The following CDH13 variants were observed in gnomAD, a reference collection of about 807,000 sequenced individuals.
CDH13 encodes cadherin 13.
In CDH13, 24 loss-of-function variants were observed where a neutral mutation model predicts 63.8. The observed-to-expected ratio is 0.38, with a 90% CI of 0.27 to 0.53. The LOEUF is 0.53. Ranked by LOEUF, CDH13 falls within the 20% of genes least tolerant of loss-of-function variation. The pLI is 0.85. For missense variants in CDH13, 1,049 were observed against 903.1 expected (o/e 1.16, Z -2.07); for synonymous variants, 503 against 355.3 (o/e 1.42, Z -4.67).
At chr16:82,630,508 G>A (rs555551709) in intron 1 of CDH13, among the ~76,000 whole-genome samples, 2 of 152,138 alleles carry the variant, frequency 1.3e-5, no homozygotes, top group Non-Finnish European at 2.9e-5. Context: ...TGGGTTTTCC[G>A]TTAAGTAAAA....
chr16:82,760,230 C>T (rs1439001532), intron 1 of CDH13, among the ~76,000 whole-genome samples: 4 of 152,132 alleles, frequency 2.6e-5, no homozygotes, highest in Non-Finnish European at 5.9e-5. Context: ...CGGGTACTTA[C>T]TGAGGGGGTA....
chr16:83,029,986 T>C lies in CDH13; in HGVS notation c.158-2024T>C, dbSNP rs529045741. Among the ~76,000 whole-genome samples, 3 of 152,300 alleles carry C rather than the reference T, an allele frequency of 2.0e-5. 1 individual carries two copies. Among genetic ancestry groups the C allele is most frequent in the African/African-American group, 7.2e-5 (3 of 41,560 alleles). On this transcript the variant is annotated intron_variant, in intron 2 of 13. Transcript: ENST00000567109. Reference sequence around the variant, plus strand: ...AGGAGGAGGCAGACAGGCAAATGCATGCACAGATAATGAGTTGTGATACCC... The same window carrying C: ...AGGAGGAGGCAGACAGGCAAATGCACGCACAGATAATGAGTTGTGATACCC...
intron 10 of CDH13, among the ~76,000 whole-genome samples, chr16:83,723,167 T>A (rs1179683250): frequency 2.0e-5 from 3 of 152,264 alleles, no homozygotes; most frequent in Non-Finnish European, 4.4e-5. Context: ...AGAAGCACGA[T>A]GACTTTCACT....
intron 3 of CDH13, among the ~76,000 whole-genome samples, chr16:83,103,849 T>C (rs565949009): frequency 2.0e-5 from 3 of 152,302 alleles, no homozygotes; most frequent in South Asian, 2.1e-4. Context: ...CTAGAACACA[T>C]TGATGTTTAA....
At chr16:82,997,919 G>C (rs1912424015) in intron 2 of CDH13, among the ~76,000 whole-genome samples, 1 of 152,140 alleles carries the variant, frequency 6.6e-6, no homozygotes, top group East Asian at 1.9e-4. Context: ...AGAACTCTAA[G>C]AATGTGCATT....
intron 8 of CDH13, among the ~76,000 whole-genome samples, chr16:83,630,107 G>A (rs890454526): frequency 5.3e-5 from 8 of 152,148 alleles, no homozygotes; most frequent in Non-Finnish European, 1.2e-4. Context: ...AAACCCACGT[G>A]TTGATCTCAG....
chr16:83,595,711 C>T (rs2150742247), intron 7 of CDH13, among the ~76,000 whole-genome samples: 1 of 152,330 alleles, frequency 6.6e-6, no homozygotes, highest in Non-Finnish European at 1.5e-5. Context: ...GTTCCACTGA[C>T]CGCAATCAGC....
intron 2 of CDH13, among the ~76,000 whole-genome samples, chr16:83,006,253 A>G (rs1913481182): frequency 6.6e-6 from 1 of 152,220 alleles, no homozygotes. Context: ...GCTTAGTGCC[A>G]TCTTGAGTGT....
At chr16:83,353,376 TG>T (rs1462559949) in intron 6 of CDH13, among the ~76,000 whole-genome samples, 20 of 151,786 alleles carry the variant, frequency 1.3e-4, no homozygotes, top group African/African-American at 4.9e-4. Flanking sequence ...CCCACCCTGA[TG>T]GGCACCATTG....
chr16:83,016,553 T>A (rs763867027), intron 2 of CDH13, among the ~76,000 whole-genome samples: 3 of 152,178 alleles, frequency 2.0e-5, no homozygotes, highest in African/African-American at 4.8e-5. Context: ...AAGCTGGCCT[T>A]CTGCAGTCTG....
At chr16:83,118,201 G>A (rs1051932337) in intron 3 of CDH13, among the ~76,000 whole-genome samples, 1 of 152,144 alleles carries the variant, frequency 6.6e-6, no homozygotes, top group Non-Finnish European at 1.5e-5. Flanking sequence ...GTTGGTGGCG[G>A]CCCCAGAACC....
rs755586999 is a variant in CDH13, at chr16:83,678,117, T to C, written c.1285-91T>C. On this transcript the variant is annotated intron_variant, in intron 9 of 13. Transcript: ENST00000567109. Reference sequence around the variant, plus strand: ...CCCAGCTCCATCCCTGAAGGCCCACTGTTGCTCGTGGAATTTCAGAGGAAG... The same window carrying C: ...CCCAGCTCCATCCCTGAAGGCCCACCGTTGCTCGTGGAATTTCAGAGGAAG... 132 of 1,393,458 alleles carry C rather than the reference T, an allele frequency of 9.5e-5. 5 individuals are homozygous for C. In the South Asian group the frequency reaches 1.6e-3, roughly 17 times the overall value. 86.3% of individuals were successfully genotyped at this position (1,393,458 alleles called of 1,614,324 possible). A position where few individuals can be genotyped will look rare whatever the true frequency, so the allele number is the denominator to read the frequency against.
chr16:83,004,930 A>G (rs1374364088), intron 2 of CDH13, among the ~76,000 whole-genome samples: 1 of 152,076 alleles, frequency 6.6e-6, no homozygotes. Flanking sequence ...CCTCATTCCT[A>G]CCTCCTGCAC....
chr16:82,798,787 G>A (rs1257245183), intron 1 of CDH13, among the ~76,000 whole-genome samples: 1 of 152,114 alleles, frequency 6.6e-6, no homozygotes, highest in East Asian at 1.9e-4. Flanking sequence ...CCGTTAAGAC[G>A]ATTGCAAGAT....
rs79182352 is a variant in CDH13, at chr16:83,255,516, G to T, written c.636+38019G>T. Among the ~76,000 whole-genome samples, 985 of 152,300 alleles carry T rather than the reference G, an allele frequency of 6.5e-3. 14 individuals carry two copies. Among genetic ancestry groups the T allele is most frequent in the African/African-American group, 0.022 (935 of 41,556 alleles). On this transcript the variant is annotated intron_variant, in intron 5 of 13. Transcript: ENST00000567109. ...CGTCCCTACCATGATGTCCAGTAAA[G>T]AATGGGCTACGTGTCCCGCAGACTT...
Position 83,464,494 on chromosome 16 carries a change from G to A in CDH13, c.782-21983G>A, listed in dbSNP as rs1368428976. On this transcript the variant is annotated intron_variant, in intron 6 of 13. Transcript: ENST00000567109. Reference sequence around the variant, plus strand: ...GCCATTGCACTCCAGCCTGGGCAACGAGAGTGAAACTCAGTCTCAAATAAA... The same window carrying A: ...GCCATTGCACTCCAGCCTGGGCAACAAGAGTGAAACTCAGTCTCAAATAAA... 5.3e-5 allele frequency among the ~76,000 whole-genome samples: 8 copies of A among 152,142 alleles called. No individual in the cohort carries two copies. In the East Asian group the frequency reaches 5.8e-4, roughly 11 times the overall value.
At chr16:83,061,871 T>C (rs2031583319) in intron 3 of CDH13, among the ~76,000 whole-genome samples, 1 of 152,218 alleles carries the variant, frequency 6.6e-6, no homozygotes, top group Non-Finnish European at 1.5e-5. Context: ...CCCATGCTAA[T>C]GTCAGCCCTG....
chr16:83,168,472 C>G (rs2037781314), intron 4 of CDH13, among the ~76,000 whole-genome samples: 2 of 151,950 alleles, frequency 1.3e-5, no homozygotes, highest in South Asian at 2.1e-4. Flanking sequence ...CTAATAGTAG[C>G]TATTTCATGA....
At chr16:83,539,133 C>T (rs895506488) in intron 7 of CDH13, among the ~76,000 whole-genome samples, 1 of 152,070 alleles carries the variant, frequency 6.6e-6, no homozygotes, top group Non-Finnish European at 1.5e-5. Context: ...TGGTCCCCAA[C>T]CTTTCTTGGC....
Sources: allele counts gnomAD v4.1 joint callset (sites outside exome capture counted in the v4.1 genomes callset), GRCh38; gene constraint gnomAD v4.1.1; transcripts MANE v1.5; gene names NCBI Gene and HGNC (gene_info 2026-07-23, HGNC 2026-07-21).